Variants in MMP16 observed in about 807,000 individuals in gnomAD.
MMP16 encodes matrix metallopeptidase 16, also known as matrix metalloproteinase-16.
A neutral mutation model predicts 67.8 loss-of-function variants in MMP16; 12 were observed. The observed-to-expected ratio is 0.18, with a 90% CI of 0.11 to 0.29. The LOEUF (loss-of-function observed/expected upper bound fraction) is 0.29, where lower values mean the gene tolerates loss of function less well. Ranked by LOEUF, MMP16 falls within the 10% of genes least tolerant of loss-of-function variation. The probability of loss-of-function intolerance (pLI) is 1.00; values close to 1 mark genes in which losing one functional copy is unlikely to be tolerated. For missense variants in MMP16, 475 were observed against 765.7 expected (o/e 0.62, Z 4.48); for synonymous variants, 249 against 255.9 (o/e 0.97, Z 0.26).
chr8:88,088,051 T>TTATATAGAGATATAATAGATATCTA (rs1563527969), intron 6 of MMP16, among the ~76,000 whole-genome samples: 3 of 38,808 alleles, frequency 7.7e-5, no homozygotes, highest in South Asian at 1.3e-3. Flanking sequence ...TAGATATCTA[T>TTATATAGAGATATAATAGATATCTA]TATATCTATA....
chr8:88,099,465 G>C (rs1226120993), intron 6 of MMP16, among the ~76,000 whole-genome samples: 3 of 151,780 alleles, frequency 2.0e-5, no homozygotes, highest in Admixed American at 2.0e-4. Flanking sequence ...GTATACCAAT[G>C]ATGACAATGT....
chr8:88,220,294 TTGTTA>T (rs1413545796), intron 1 of MMP16, among the ~76,000 whole-genome samples: 1 of 152,172 alleles, frequency 6.6e-6, no homozygotes, highest in Non-Finnish European at 1.5e-5. Flanking sequence ...TGTGTGTGTT[TTGTTA>T]TGACTTTTAA....
intron 2 of MMP16, among the ~76,000 whole-genome samples, chr8:88,191,093 A>G (rs915958938): frequency 4.6e-5 from 7 of 152,114 alleles, no homozygotes; most frequent in Admixed American, 6.5e-5. Flanking sequence ...GATAATTTTA[A>G]AATTAGGTGG....
intron 1 of MMP16, among the ~76,000 whole-genome samples, chr8:88,325,212 C>G (rs1277380474): frequency 6.6e-6 from 1 of 152,144 alleles, no homozygotes; most frequent in Admixed American, 6.5e-5. Flanking sequence ...TTAGTACAAT[C>G]ATAACTTTTT....
chr8:88,222,073 A>C (rs1226304886), intron 1 of MMP16, among the ~76,000 whole-genome samples: 1 of 152,004 alleles, frequency 6.6e-6, no homozygotes, highest in East Asian at 1.9e-4. Context: ...TTAATATAAA[A>C]ATAGCATTTT....
At chr8:88,268,508 T>C (rs1810514772) in intron 1 of MMP16, among the ~76,000 whole-genome samples, 1 of 152,206 alleles carries the variant, frequency 6.6e-6, no homozygotes, top group African/African-American at 2.4e-5. Context: ...TCCCAGACAG[T>C]TCTTTTTCCA....
At chr8:88,220,482 T>C (rs759055652) in intron 1 of MMP16, among the ~76,000 whole-genome samples, 5 of 152,064 alleles carry the variant, frequency 3.3e-5, no homozygotes, top group African/African-American at 7.2e-5. Flanking sequence ...TTGTGTCCTG[T>C]AAATTGGCAG....
At chr8:88,075,520 T>C (rs1424045529) in intron 6 of MMP16, among the ~76,000 whole-genome samples, 1 of 152,098 alleles carries the variant, frequency 6.6e-6, no homozygotes, top group East Asian at 1.9e-4. Context: ...TAATACTTAC[T>C]AAGGGCAAAA....
At chr8:88,164,100 T>A (rs889224542) in intron 4 of MMP16, among the ~76,000 whole-genome samples, 8 of 152,096 alleles carry the variant, frequency 5.3e-5, no homozygotes, top group Non-Finnish European at 8.8e-5. Flanking sequence ...TGTTTATCTC[T>A]TTTAAGGTAG....
At chr8:88,240,703 C>G (rs1810020268) in intron 1 of MMP16, among the ~76,000 whole-genome samples, 1 of 152,108 alleles carries the variant, frequency 6.6e-6, no homozygotes, top group East Asian at 1.9e-4. Flanking sequence ...GGAAATTGTT[C>G]CAGTTCATCT....
intron 4 of MMP16, 77 bp downstream of exon 4, chr8:88,167,592 T>C (rs1354518819): frequency 1.4e-6 from 2 of 1,389,722 alleles, no homozygotes; most frequent in Non-Finnish European, 1.9e-6. Flanking sequence ...TACCTTAAGT[T>C]TGTAAATTGT....
At chr8:88,283,364 C>T (rs2129999205) in intron 1 of MMP16, among the ~76,000 whole-genome samples, 1 of 152,218 alleles carries the variant, frequency 6.6e-6, no homozygotes, top group East Asian at 1.9e-4. Context: ...GGTATAGGTG[C>T]TGAAGCTGAC....
intron 1 of MMP16, among the ~76,000 whole-genome samples, chr8:88,319,679 T>C (rs543873741): frequency 6.6e-6 from 1 of 152,268 alleles, no homozygotes; most frequent in Non-Finnish European, 1.5e-5. Flanking sequence ...CATGTCTACA[T>C]TCCATTGACA....
At chr8:88,189,111 TC>T (rs1374696790) in intron 2 of MMP16, among the ~76,000 whole-genome samples, 2 of 152,194 alleles carry the variant, frequency 1.3e-5, no homozygotes, top group Non-Finnish European at 2.9e-5. Context: ...CCTGATTTAT[TC>T]ATCATATAGT....
intron 6 of MMP16, among the ~76,000 whole-genome samples, chr8:88,099,810 A>G (rs1438728938): frequency 6.6e-6 from 1 of 151,932 alleles, no homozygotes; most frequent in African/African-American, 2.4e-5. Context: ...GAAACAATTT[A>G]TATGCTCTTG....
chr8:88,253,375 A>G (rs1810255225), intron 1 of MMP16, among the ~76,000 whole-genome samples: 1 of 152,144 alleles, frequency 6.6e-6, no homozygotes, highest in African/African-American at 2.4e-5. Flanking sequence ...GTAATCTTAC[A>G]GTAGGGAAAT....
At chr8:88,067,723 T>C (rs1808481636) in intron 7 of MMP16, among the ~76,000 whole-genome samples, 1 of 152,160 alleles carries the variant, frequency 6.6e-6, no homozygotes, top group Non-Finnish European at 1.5e-5. Flanking sequence ...ATTTTGAGCT[T>C]CATCCATATT....
At position 88,156,984 on chromosome 8, in the gene MMP16, A is replaced by T. The variant is rs139014882; in HGVS notation, c.709+10685T>A. ...AAGTAGTACTGATTTACTTCTCAAC[A>T]TATTGTTGCAGCAGACATGGACTAG... On this transcript the variant is annotated intron_variant, in intron 4 of 9. Coordinates refer to ENST00000286614, the MANE Select transcript of MMP16 (RefSeq NM_005941.5). Among the ~76,000 whole-genome samples, 15 of 152,250 alleles carry T rather than the reference A, an allele frequency of 9.9e-5. No homozygotes were observed. The East Asian group carries it at 2.7e-3, about 28-fold the overall frequency.
chr8:88,156,929 A>G (rs927179142), intron 4 of MMP16, among the ~76,000 whole-genome samples: 8 of 152,176 alleles, frequency 5.3e-5, no homozygotes, highest in Admixed American at 1.3e-4. Flanking sequence ...TAAGCAACTT[A>G]CCAAGAGATT....
Sources: allele counts gnomAD v4.1 joint callset (sites outside exome capture counted in the v4.1 genomes callset), GRCh38; gene constraint gnomAD v4.1.1; transcripts MANE v1.5; gene names NCBI Gene and HGNC (gene_info 2026-07-23, HGNC 2026-07-21).